The following ELAVL2 variants were observed in gnomAD, a reference collection of about 807,000 sequenced individuals.
ELAVL2 encodes the protein ELAV like RNA binding protein 2, also known as ELAV-like protein 2.
A neutral mutation model predicts 34.6 loss-of-function variants in ELAVL2; 4 were observed. The ratio of observed to expected loss-of-function variants is 0.12; its 90% CI spans 0.06 to 0.26. ELAVL2 has a LOEUF of 0.26. Ranked by LOEUF, ELAVL2 falls within the 10% of genes least tolerant of loss-of-function variation. The probability of loss-of-function intolerance (pLI) is 1.00; values close to 1 mark genes in which losing one functional copy is unlikely to be tolerated. For synonymous variants in ELAVL2, 193 were observed against 154.8 expected (o/e 1.25, Z -1.83); for missense variants, 432 against 442.8 (o/e 0.98, Z 0.22).
chr9:23,721,029 A>G (rs1219577161), intron 3 of ELAVL2, among the ~76,000 whole-genome samples: 1 of 152,226 alleles, frequency 6.6e-6, no homozygotes, highest in Non-Finnish European at 1.5e-5. Context: ...AACTCTGGGC[A>G]TATTAGGGTT....
intron 1 of ELAVL2, among the ~76,000 whole-genome samples, chr9:23,820,199 T>C (rs1183531331): frequency 1.3e-5 from 2 of 152,168 alleles, no homozygotes; most frequent in African/African-American, 4.8e-5. Context: ...ACAAACAGAT[T>C]TTACTTGAGG....
the ELAVL2 span, among the ~76,000 whole-genome samples, chr9:23,837,349 G>A: frequency 1.3e-5 from 2 of 152,078 alleles, no homozygotes; most frequent in African/African-American, 2.4e-5. Context: ...GGAGCAAGGA[G>A]GCATGAGTCC....
chr9:23,798,679 G>A (rs1377377221), intron 1 of ELAVL2, among the ~76,000 whole-genome samples: 5 of 152,126 alleles, frequency 3.3e-5, no homozygotes, highest in East Asian at 1.9e-4. Flanking sequence ...GAAGGGAGAC[G>A]AGGGAGGAGT....
intron 3 of ELAVL2, among the ~76,000 whole-genome samples, chr9:23,719,162 G>A (rs548002483): frequency 6.6e-6 from 1 of 152,266 alleles, no homozygotes; most frequent in African/African-American, 2.4e-5. Flanking sequence ...CAGATCTCCA[G>A]AAGCACCTTG....
intron 2 of ELAVL2, among the ~76,000 whole-genome samples, chr9:23,756,603 T>G (rs2053615544): frequency 6.6e-6 from 1 of 152,054 alleles, no homozygotes; most frequent in Non-Finnish European, 1.5e-5. Flanking sequence ...TTCAGCAACA[T>G]ATCAGATCAG....
intron 1 of ELAVL2, among the ~76,000 whole-genome samples, chr9:23,764,076 G>C (rs144704919): frequency 6.6e-6 from 1 of 152,212 alleles, no homozygotes; most frequent in Non-Finnish European, 1.5e-5. Flanking sequence ...CTGGTTTGTA[G>C]AATATTAGCT....
At chr9:23,696,063 C>A (rs1563910968) in intron 5 of ELAVL2, among the ~76,000 whole-genome samples, 1 of 152,022 alleles carries the variant, frequency 6.6e-6, no homozygotes, top group African/African-American at 2.4e-5. Context: ...TTCACTGATT[C>A]CTTCACTTCT....
At chr9:23,728,678 A>G (rs1377438493) in intron 3 of ELAVL2, among the ~76,000 whole-genome samples, 1 of 152,118 alleles carries the variant, frequency 6.6e-6, no homozygotes, top group East Asian at 1.9e-4. Flanking sequence ...CTCAACTTCC[A>G]AAACATTCTT....
chr9:23,824,637 CCCTT>C (rs1163992105), intron 1 of ELAVL2, among the ~76,000 whole-genome samples: 1 of 152,204 alleles, frequency 6.6e-6, no homozygotes, highest in African/African-American at 2.4e-5. Flanking sequence ...CCACCACCAC[CCCTT>C]CCGCCCTCCC....
At chr9:23,781,891 A>C (rs2059117430) in intron 1 of ELAVL2, among the ~76,000 whole-genome samples, 1 of 152,084 alleles carries the variant, frequency 6.6e-6, no homozygotes, top group African/African-American at 2.4e-5. Flanking sequence ...TCAGCGTGTT[A>C]GTCAGGATGG....
At chr9:23,788,725 AAAG>A (rs781729779) in intron 1 of ELAVL2, among the ~76,000 whole-genome samples, 5 of 152,166 alleles carry the variant, frequency 3.3e-5, no homozygotes, top group Non-Finnish European at 5.9e-5. Flanking sequence ...GCTGAAAGTA[AAAG>A]AAGGGCTACT....
intron 5 of ELAVL2, among the ~76,000 whole-genome samples, chr9:23,694,140 G>A (rs2034254364): frequency 6.6e-6 from 1 of 152,124 alleles, no homozygotes; most frequent in African/African-American, 2.4e-5. Context: ...ACTCCAGTGT[G>A]CAACAAAGCC....
intron 3 of ELAVL2, among the ~76,000 whole-genome samples, chr9:23,714,474 G>A (rs963983388): frequency 6.6e-6 from 1 of 152,164 alleles, no homozygotes; most frequent in African/African-American, 2.4e-5. Context: ...GGGAACATAA[G>A]GAAGGAGCTG....
At chr9:23,790,078 AAAC>A (rs1313267284) in intron 1 of ELAVL2, among the ~76,000 whole-genome samples, 1 of 152,112 alleles carries the variant, frequency 6.6e-6, no homozygotes, top group Non-Finnish European at 1.5e-5. Context: ...GAAAAAAAAA[AAAC>A]AACCTTTCAA....
chr9:23,771,575 G>A lies in ELAVL2; in HGVS notation c.-15-9326C>T, dbSNP rs537411982. Among the ~76,000 whole-genome samples the A allele has an allele frequency of 3.9e-5, 6 of 152,120 alleles. No homozygotes were observed. In the East Asian group the frequency reaches 1.2e-3, roughly 29 times the overall value. ...ATGAATCCACTGCCAGCTTCTTAAA[G>A]AATCAACTGATTCATTTAGGAGCAA... On this transcript the variant is annotated intron_variant, in intron 1 of 6. Coordinates refer to ENST00000397312, the MANE Select transcript of ELAVL2 (RefSeq NM_004432.5).
At chr9:23,820,058 A>G (rs2138498250) in intron 1 of ELAVL2, among the ~76,000 whole-genome samples, 1 of 148,816 alleles carries the variant, frequency 6.7e-6, no homozygotes, top group Non-Finnish European at 1.5e-5. Flanking sequence ...AGGTAGATGC[A>G]GGACAGCTTT....
chr9:23,737,896 T>C (rs979377818), intron 2 of ELAVL2, among the ~76,000 whole-genome samples: 3 of 152,180 alleles, frequency 2.0e-5, no homozygotes, highest in Non-Finnish European at 4.4e-5. Context: ...ACACAGCTCT[T>C]GCATAAAACT....
chr9:23,762,928 G>C (rs2055371912), intron 1 of ELAVL2, among the ~76,000 whole-genome samples: 1 of 152,062 alleles, frequency 6.6e-6, no homozygotes, highest in East Asian at 1.9e-4. Flanking sequence ...TGAATACTTT[G>C]TCTAACTGGT....
chr9:23,749,290 C>T (rs908026811), intron 2 of ELAVL2, among the ~76,000 whole-genome samples: 2 of 152,052 alleles, frequency 1.3e-5, no homozygotes, highest in Non-Finnish European at 2.9e-5. Context: ...TAGTATAATA[C>T]AAGTAGGCTA....
Sources: allele counts gnomAD v4.1 joint callset (sites outside exome capture counted in the v4.1 genomes callset), GRCh38; gene constraint gnomAD v4.1.1; transcripts MANE v1.5; gene names NCBI Gene and HGNC (gene_info 2026-07-23, HGNC 2026-07-21).